The following DISP3 variants were observed in gnomAD, a reference collection of about 807,000 sequenced individuals.
DISP3 encodes the protein protein dispatched homolog 3.
DISP3 carries 101 observed loss-of-function variants against 135.3 expected under a neutral mutation model. The ratio of observed to expected loss-of-function variants is 0.75; its 90% confidence interval spans 0.64 to 0.88. The LOEUF (loss-of-function observed/expected upper bound fraction) is 0.88, where lower values mean the gene tolerates loss of function less well. Ranked by LOEUF, DISP3 falls within the 40% of genes least tolerant of loss-of-function variation. The pLI, the probability that DISP3 is intolerant of heterozygous loss-of-function variation, is 0.00. For synonymous variants in DISP3, 856 were observed against 817.0 expected, an observed-to-expected ratio of 1.05 and a Z score of -0.81; for missense variants, 1,713 against 1,878.6, an observed-to-expected ratio of 0.91 and a Z score of 1.63.
At chr1:11,518,950 C>T (rs936349032) in intron 7 of DISP3, among the ~76,000 whole-genome samples, 5 of 152,128 alleles carry the variant, frequency 3.3e-5, no homozygotes, top group Admixed American at 2.6e-4. Context: ...GCTGAGACCT[C>T]GGCCACGCAG....
rs1312836867 is a variant in DISP3 at position 11,531,045 on chromosome 1, G to A, written c.3229+12G>A. The A allele has an allele frequency of 3.1e-6, 5 of 1,612,888 alleles. No individual in the cohort carries two copies. Among genetic ancestry groups the A allele is most frequent in the Non-Finnish European group, 4.2e-6 (5 of 1,179,862 alleles). On this transcript the variant is annotated intron_variant, in intron 16 of 20. Transcript: ENST00000294484. This position sits in a 1 kb window ranked among gnomAD's most constrained non-coding sequence, Gnocchi z 5.2. ...GTGCCTGCCTTCAGGTGCGTGGGGT[G>A]TGGGGAGCTGGTTCCTCCGAGGGAG... is the stretch of plus-strand genomic sequence containing the variant.
At chr1:11,495,048 A>G (rs1052454291) in intron 1 of DISP3, among the ~76,000 whole-genome samples, 1 of 152,056 alleles carries the variant, frequency 6.6e-6, no homozygotes, top group African/African-American at 2.4e-5. Context: ...CCAAATGGGG[A>G]AGTCCATCTG....
Position 11,499,007 on chromosome 1 carries a change from GAGA to G in DISP3, c.-3-1980_-3-1978del, listed in dbSNP as rs1641422525. ...CCAGGCAAAATCTAGTGAGGATGGCGAGAAGCTTAGACAGGAAGCTGGGGGGTT... is the reference window on the plus strand; with the variant it reads ...CCAGGCAAAATCTAGTGAGGATGGCGAGCTTAGACAGGAAGCTGGGGGGTT... On this transcript the variant is annotated intron_variant, in intron 1 of 20. Transcript: ENST00000294484. This position sits in a 1 kb window ranked among gnomAD's most constrained non-coding sequence, Gnocchi z 5.2. 6.6e-6 allele frequency among the ~76,000 whole-genome samples: 1 copy of G among 152,136 alleles called. No homozygotes were observed. Among genetic ancestry groups the G allele is most frequent in the Non-Finnish European group, 1.5e-5 (1 of 68,038 alleles).
At chr1:11,480,606 C>T (rs999370246) in intron 1 of DISP3, among the ~76,000 whole-genome samples, 2 of 151,670 alleles carry the variant, frequency 1.3e-5, no homozygotes, top group Non-Finnish European at 2.9e-5. Context: ...GTGTTCTCAC[C>T]GATGCCCAGT....
At position 11,522,465 on chromosome 1, in the gene DISP3, C is replaced by T. The variant is rs538194096; in HGVS notation, c.2363-1477C>T. 3.2e-3 allele frequency among the ~76,000 whole-genome samples: 494 copies of T among 152,300 alleles called. 7 individuals are homozygous for T. The highest frequency in any genetic ancestry group is 0.011 in the African/African-American group (473 of 41,546). ...TGGCATTGCTCCCCATCATCACCGC[C>T]GCCACAGGCCTCCTGCCCACAGATG... On this transcript the variant is annotated intron_variant, in intron 10 of 20. Transcript: ENST00000294484.
In DISP3 at chr1:11,536,202, G is replaced by T; in HGVS notation, c.3817-122G>T. 7.1e-7 allele frequency: 1 copy of T among 1,399,202 alleles called. No individual in the cohort carries two copies. 86.7% of individuals were successfully genotyped at this position (1,399,202 alleles called of 1,614,324 possible). On this transcript the variant is annotated intron_variant, in intron 20 of 20. Transcript: ENST00000294484. The surrounding 1 kb of genome is among the most constrained non-coding windows in gnomAD (Gnocchi z 4.3). ...CCCTCCCAACCCTGGGAGGCCACTTGCAGCTCTCATCCCAGTAACAGAGCA... is the reference window on the plus strand; with the variant it reads ...CCCTCCCAACCCTGGGAGGCCACTTTCAGCTCTCATCCCAGTAACAGAGCA...
rs150305580 is a variant in DISP3 at position 11,503,217 on chromosome 1, A to G, written c.1316+320A>G. 3.9e-5 allele frequency among the ~76,000 whole-genome samples: 6 copies of G among 152,292 alleles called. No homozygotes were observed. In the East Asian group the frequency reaches 1.2e-3, roughly 29 times the overall value. On this transcript the variant is annotated intron_variant, in intron 3 of 20. Transcript: ENST00000294484. ...TTCTGGAAAGAGTATTGGCCAGGGA[A>G]TAAGGAGTTCCTCACTGTATTAGTC... is the stretch of plus-strand genomic sequence containing the variant.
At chr1:11,507,375 C>G (rs1042730373) in intron 3 of DISP3, among the ~76,000 whole-genome samples, 5 of 152,186 alleles carry the variant, frequency 3.3e-5, no homozygotes, top group African/African-American at 1.2e-4. Context: ...CTCTCAAAAG[C>G]TGCTAAAAAA....
At chr1:11,514,978 G>C (rs193213767) in intron 4 of DISP3, among the ~76,000 whole-genome samples, 1 of 152,292 alleles carries the variant, frequency 6.6e-6, no homozygotes, top group East Asian at 1.9e-4. Context: ...TGCCCAAGCA[G>C]ACAAGACAAT....
chr1:11,536,051 T>G lies in DISP3; in HGVS notation c.3817-273T>G, dbSNP rs1477048134. Reference sequence around the variant, plus strand: ...GGCTCTGGGCCTAGTAACGATTTTTTTCTTTAGTTTGGAATTGCGTTGGTG... The same window carrying G: ...GGCTCTGGGCCTAGTAACGATTTTTGTCTTTAGTTTGGAATTGCGTTGGTG... On this transcript the variant is annotated intron_variant, in intron 20 of 20. Coordinates refer to ENST00000294484, the MANE Select transcript of DISP3 (RefSeq NM_020780.2). This position sits in a 1 kb window ranked among gnomAD's most constrained non-coding sequence, Gnocchi z 4.3. Among the ~76,000 whole-genome samples, 1 of 152,216 alleles carries G rather than the reference T, an allele frequency of 6.6e-6. No homozygotes were observed. The highest frequency in any genetic ancestry group is 1.5e-5 in the Non-Finnish European group (1 of 68,038).
rs767545517 is a variant in DISP3 at position 11,501,451 on chromosome 1, A to G, written c.459A>G (p.Ser153=). ...FTSETLQRLI[S]EQLQQLHLGN... ...CCGAGACGCTTCAGCGCCTTATCTC[A>G]GAGCAGCTGCAGCAGCTGCATCTCG... The change falls in exon 2 of 21, where the codon TCA becomes TCG. Residue 153 remains serine (S), a synonymous_variant. Coordinates refer to ENST00000294484, the MANE Select transcript of DISP3 (RefSeq NM_020780.2). The surrounding 1 kb of genome is among the most constrained non-coding windows in gnomAD (Gnocchi z 4.9). 1.9e-6 allele frequency: 3 copies of G among 1,600,928 alleles called. No individual in the cohort carries two copies. Among genetic ancestry groups the G allele is most frequent in the East Asian group, 2.2e-5 (1 of 44,792 alleles).
chr1:11,519,209 G>T lies in DISP3; in HGVS notation c.1890-146G>T. On this transcript the variant is annotated intron_variant, in intron 7 of 20. Coordinates refer to ENST00000294484, the MANE Select transcript of DISP3 (RefSeq NM_020780.2). The surrounding 1 kb of genome is among the most constrained non-coding windows in gnomAD (Gnocchi z 4.3). ...GTACTAGAAAGAAACCAGGTGACCA[G>T]CTCCCAGAAGTCTGGGGTGCTCATC... is the stretch of plus-strand genomic sequence containing the variant. 1 of 992,434 alleles carries T rather than the reference G, an allele frequency of 1.0e-6. No homozygotes were observed. Among genetic ancestry groups the T allele is most frequent in the Admixed American group, 2.3e-5 (1 of 43,152 alleles). The allele number at this position is 992,434 out of a possible 1,614,324, so 61.5% of individuals were successfully genotyped here.
Position 11,504,199 on chromosome 1 carries a change from A to T in DISP3, c.1316+1302A>T, listed in dbSNP as rs545048253. On this transcript the variant is annotated intron_variant, in intron 3 of 20. Coordinates refer to ENST00000294484, the MANE Select transcript of DISP3 (RefSeq NM_020780.2). Reference sequence around the variant, plus strand: ...CGAAACCCTTTATACATACCAGCTCATTTAATTCTCACACCAACCCAATGA... The same window carrying T: ...CGAAACCCTTTATACATACCAGCTCTTTTAATTCTCACACCAACCCAATGA... Among the ~76,000 whole-genome samples, 299 of 152,364 alleles carry T rather than the reference A, an allele frequency of 2.0e-3. 2 individuals carry two copies. Among genetic ancestry groups the T allele is most frequent in the Non-Finnish European group, 3.1e-3 (212 of 68,044 alleles).
At chr1:11,493,672 TGA>T (rs1255449925) in intron 1 of DISP3, among the ~76,000 whole-genome samples, 1 of 151,704 alleles carries the variant, frequency 6.6e-6, no homozygotes, top group Non-Finnish European at 1.5e-5. Context: ...TGCAGTGAGC[TGA>T]GATCATGCCA....
chr1:11,529,723 T>C lies in DISP3; in HGVS notation c.2929+37T>C, dbSNP rs1642524438. 4 of 1,600,374 alleles carry C rather than the reference T, an allele frequency of 2.5e-6. No homozygotes were observed. The highest frequency in any genetic ancestry group is 3.4e-6 in the Non-Finnish European group (4 of 1,169,754). On this transcript the variant is annotated intron_variant, in intron 14 of 20. Transcript: ENST00000294484. The surrounding 1 kb of genome is among the most constrained non-coding windows in gnomAD (Gnocchi z 4.7). The stretch of plus-strand genomic sequence containing the variant: ...GCACACAGGTGGGGACCTCAAGAGC[T>C]GAGACCTCGGGGCTCAGGAGCTGGA...
rs2100497296 is a variant in DISP3, at chr1:11,525,295, G to A, written c.2596G>A (p.Glu866Lys). 6.2e-7 allele frequency: 1 copy of A among 1,613,774 alleles called. No individual in the cohort carries two copies. The highest frequency in any genetic ancestry group is 2.2e-5 in the East Asian group (1 of 44,866). ...PWQAVSPGDG[E>K]VPSFQVYRAP... is the part of the protein sequence containing the mutation. ...GCAGGCTGTGTCGCCTGGGGATGGA[G>A]AGGTGCCCTCCTTCCAGGTGAGCCT... The change falls in exon 12 of 21, where the codon GAG becomes AAG. Residue 866 changes from glutamate (E) to lysine (K), a missense_variant. By Grantham distance (56) the Glu-to-Lys change is moderately conservative. Coordinates refer to ENST00000294484, the MANE Select transcript of DISP3 (RefSeq NM_020780.2).
chr1:11,530,025 G>T, intron 15 of DISP3, 66 bp downstream of exon 15: 1 of 1,567,846 alleles, frequency 6.4e-7, no homozygotes. Flanking sequence ...ATAAGCACCT[G>T]TCCAGGGAAC....
At chr1:11,530,106 C>A in intron 15 of DISP3, 147 bp downstream of exon 15, 1 of 1,110,706 alleles carries the variant, frequency 9.0e-7, no homozygotes, top group Non-Finnish European at 1.2e-6. Flanking sequence ...CCCCTATGGG[C>A]CCCTGGGGGT....
intron 1 of DISP3, among the ~76,000 whole-genome samples, chr1:11,498,941 T>C (rs1400352787): frequency 6.6e-6 from 1 of 152,170 alleles, no homozygotes; most frequent in African/African-American, 2.4e-5. Context: ...CTTAACACGC[T>C]GCTACACTGC....
Sources: allele counts gnomAD v4.1 joint callset (sites outside exome capture counted in the v4.1 genomes callset), GRCh38; gene constraint gnomAD v4.1.1; non-coding constraint Gnocchi (gnomAD v3.1); transcripts MANE v1.5; gene names NCBI Gene and HGNC (gene_info 2026-07-23, HGNC 2026-07-21).